The following ATP8A2 variants were observed in gnomAD, a reference collection of about 807,000 sequenced individuals.
ATP8A2 encodes the protein phospholipid-transporting ATPase IB.
ATP8A2 carries 100 observed loss-of-function variants against 165.6 expected under a neutral mutation model. The observed-to-expected ratio is 0.60, with a 90% CI of 0.51 to 0.71. The LOEUF (loss-of-function observed/expected upper bound fraction) is 0.71, where lower values mean the gene tolerates loss of function less well. Among genes scored for constraint, ATP8A2 ranks in the 30% least tolerant of loss-of-function variants. The probability of loss-of-function intolerance (pLI) is 0.00; values close to 1 mark genes in which losing one functional copy is unlikely to be tolerated. For missense variants in ATP8A2, 1,227 were observed against 1,479.5 expected (o/e 0.83, Z 2.80); for synonymous variants, 543 against 548.8 (o/e 0.99, Z 0.15).
chr13:25,687,663 G>A (rs773428929), intron 24 of ATP8A2, among the ~76,000 whole-genome samples: 9 of 151,984 alleles, frequency 5.9e-5, no homozygotes, highest in Non-Finnish European at 1.0e-4. Context: ...CTTAGAGATT[G>A]GCTCCTTTTT....
chr13:25,427,073 A>C (rs541045296), intron 1 of ATP8A2, among the ~76,000 whole-genome samples: 2 of 152,134 alleles, frequency 1.3e-5, no homozygotes, highest in African/African-American at 4.8e-5. Flanking sequence ...GTATGTGGGA[A>C]CTCTCTACAT....
chr13:26,021,558 G>A lies in ATP8A2; in HGVS notation c.*1573G>A, dbSNP rs1957082390. ...AGAGTCCCACACTTAAATCTCAACAGAACCTAGATGTCTTCAGGCATGAAT... is the reference window on the plus strand; with the variant it reads ...AGAGTCCCACACTTAAATCTCAACAAAACCTAGATGTCTTCAGGCATGAAT... On this transcript the variant is annotated 3_prime_UTR_variant, in exon 37 of 37. Transcript: ENST00000381655. 1.3e-5 allele frequency: 2 copies of A among 152,300 alleles called. No individual in the cohort carries two copies. The highest frequency in any genetic ancestry group is 4.1e-4 in the South Asian group (2 of 4,820). 9.4% of individuals were successfully genotyped at this position (152,300 alleles called of 1,614,324 possible). A position where few individuals can be genotyped will look rare whatever the true frequency, so the allele number is the denominator to read the frequency against.
chr13:25,618,181 C>T (rs1043472241), intron 24 of ATP8A2, among the ~76,000 whole-genome samples: 1 of 152,106 alleles, frequency 6.6e-6, no homozygotes, highest in Non-Finnish European at 1.5e-5. Context: ...TGTTCTACAG[C>T]GGTCTTCAGT....
At chr13:25,757,955 G>A (rs1343864816) in intron 25 of ATP8A2, among the ~76,000 whole-genome samples, 1 of 152,158 alleles carries the variant, frequency 6.6e-6, no homozygotes, top group Non-Finnish European at 1.5e-5. Flanking sequence ...AGGTGAGTGA[G>A]GCAGTTGTTG....
intron 25 of ATP8A2, among the ~76,000 whole-genome samples, chr13:25,726,661 T>C (rs545125000): frequency 6.6e-6 from 1 of 152,326 alleles, no homozygotes; most frequent in East Asian, 1.9e-4. Flanking sequence ...CAATCTCAGA[T>C]CATCTCCCCA....
At chr13:25,615,138 T>C (rs1304925467) in intron 24 of ATP8A2, among the ~76,000 whole-genome samples, 3 of 151,936 alleles carry the variant, frequency 2.0e-5, no homozygotes, top group African/African-American at 7.3e-5. Flanking sequence ...CCAGGGTGGG[T>C]AGAGAAAGAC....
At chr13:25,726,777 G>A (rs2043503382) in intron 25 of ATP8A2, among the ~76,000 whole-genome samples, 1 of 152,248 alleles carries the variant, frequency 6.6e-6, no homozygotes, top group East Asian at 1.9e-4. Flanking sequence ...CTGTTATTCA[G>A]CCTACTACAG....
intron 29 of ATP8A2, among the ~76,000 whole-genome samples, 180 bp downstream of exon 29, chr13:25,837,465 A>G (rs922941878): frequency 6.0e-5 from 8 of 134,428 alleles, no homozygotes; most frequent in African/African-American, 2.0e-4. Flanking sequence ...ACACACACAC[A>G]CACACGCCAC....
At chr13:25,421,647 A>G (rs574541678) in intron 1 of ATP8A2, among the ~76,000 whole-genome samples, 3 of 152,332 alleles carry the variant, frequency 2.0e-5, no homozygotes, top group South Asian at 4.1e-4. Context: ...TTCTCCTTTT[A>G]AAAGAGAAGT....
At chr13:25,843,847 G>A (rs1242875555) in intron 30 of ATP8A2, among the ~76,000 whole-genome samples, 1 of 152,184 alleles carries the variant, frequency 6.6e-6, no homozygotes, top group African/African-American at 2.4e-5. Context: ...ATAGAGAGGA[G>A]GTAGGGGCTG....
chr13:25,874,910 T>G (rs896874883), intron 33 of ATP8A2, among the ~76,000 whole-genome samples: 4 of 152,180 alleles, frequency 2.6e-5, no homozygotes, highest in African/African-American at 9.6e-5. Flanking sequence ...CCTGTCACCA[T>G]TCTACAACAT....
intron 24 of ATP8A2, among the ~76,000 whole-genome samples, chr13:25,591,981 C>T (rs2138309777): frequency 6.6e-6 from 1 of 150,690 alleles, no homozygotes; most frequent in East Asian, 1.9e-4. Context: ...ACAGCAGCTG[C>T]ATCGTTTTAT....
chr13:25,757,205 C>T (rs1437822128), intron 25 of ATP8A2, among the ~76,000 whole-genome samples: 1 of 152,174 alleles, frequency 6.6e-6, no homozygotes, highest in Non-Finnish European at 1.5e-5. Context: ...TCACCTCGGA[C>T]CATTGGTCAC....
At chr13:25,595,524 C>T (rs2040213436) in intron 24 of ATP8A2, among the ~76,000 whole-genome samples, 1 of 152,114 alleles carries the variant, frequency 6.6e-6, no homozygotes, top group Non-Finnish European at 1.5e-5. Flanking sequence ...GGTTCCTCAG[C>T]CCTTCCCATT....
intron 24 of ATP8A2, among the ~76,000 whole-genome samples, chr13:25,614,365 T>C (rs1351705422): frequency 6.6e-6 from 1 of 152,166 alleles, no homozygotes; most frequent in East Asian, 1.9e-4. Flanking sequence ...TTAGAGGTTG[T>C]GATTTTTTTT....
chr13:25,875,130 C>G (rs543216188), intron 33 of ATP8A2, among the ~76,000 whole-genome samples: 1 of 150,392 alleles, frequency 6.6e-6, no homozygotes, highest in Non-Finnish European at 1.5e-5. Context: ...TTAATAGACA[C>G]AGAGTTGCAG....
chr13:25,582,411 C>G (rs1301602777), intron 23 of ATP8A2, among the ~76,000 whole-genome samples: 1 of 152,166 alleles, frequency 6.6e-6, no homozygotes, highest in African/African-American at 2.4e-5. Context: ...CAGAGCATCA[C>G]AGAGATGAAA....
rs984507109 is a variant in ATP8A2, at chr13:25,503,824, G to A, written c.222-26175G>A. 2.6e-5 allele frequency among the ~76,000 whole-genome samples: 4 copies of A among 152,120 alleles called. No homozygotes were observed. The East Asian group carries it at 7.7e-4, about 29-fold the overall frequency. On this transcript the variant is annotated intron_variant, in intron 2 of 36. Coordinates refer to ENST00000381655, the MANE Select transcript of ATP8A2 (RefSeq NM_016529.6). ...GGCATGTGACTCTGAGCCTGTTGCC[G>A]GCATTTGGTAGGTAGAGGCATAAAG...
chr13:25,483,263 G>T (rs943904445), intron 2 of ATP8A2, among the ~76,000 whole-genome samples: 1 of 152,192 alleles, frequency 6.6e-6, no homozygotes, highest in Non-Finnish European at 1.5e-5. Flanking sequence ...TGTTAGTGAC[G>T]GAGAAGGTGT....
Sources: allele counts gnomAD v4.1 joint callset (sites outside exome capture counted in the v4.1 genomes callset), GRCh38; gene constraint gnomAD v4.1.1; transcripts MANE v1.5; gene names NCBI Gene and HGNC (gene_info 2026-07-23, HGNC 2026-07-21).